MEGF9: variants seen among roughly 807,000 people sequenced by gnomAD.
The protein encoded by MEGF9 is multiple epidermal growth factor-like domains protein 9.
Under a neutral mutation model 46.8 loss-of-function variants are expected in MEGF9, and 6 were observed. The observed-to-expected ratio is 0.13, with a 90% CI of 0.07 to 0.25. MEGF9 has a LOEUF of 0.25. Among genes scored for constraint, MEGF9 ranks in the 10% least tolerant of loss-of-function variants. The pLI, the probability that MEGF9 is intolerant of heterozygous loss-of-function variation, is 1.00. For synonymous variants in MEGF9, 302 were observed against 330.7 expected (o/e 0.91, Z 0.94); for missense variants, 683 against 792.4 (o/e 0.86, Z 1.66).
intron 2 of MEGF9, among the ~76,000 whole-genome samples, chr9:120,633,974 T>G (rs1008093778): frequency 2.6e-5 from 4 of 152,242 alleles, no homozygotes; most frequent in Non-Finnish European, 4.4e-5. Flanking sequence ...TTCTTTTAAA[T>G]TTGTTAAGAC....
At chr9:120,673,228 G>T (rs999692531) in intron 1 of MEGF9, among the ~76,000 whole-genome samples, 1 of 151,896 alleles carries the variant, frequency 6.6e-6, no homozygotes, top group Non-Finnish European at 1.5e-5. Context: ...GAAACAAAAA[G>T]ATCTAAAAAT....
chr9:120,708,340 G>T (rs1486542546), intron 1 of MEGF9, among the ~76,000 whole-genome samples: 3 of 152,134 alleles, frequency 2.0e-5, no homozygotes, highest in East Asian at 3.8e-4. Flanking sequence ...ACTCCAGCCT[G>T]GCAACAGAGC....
intron 1 of MEGF9, among the ~76,000 whole-genome samples, chr9:120,713,298 A>G (rs2043961297): frequency 6.6e-6 from 1 of 152,214 alleles, no homozygotes; most frequent in South Asian, 2.1e-4. Flanking sequence ...CACACATCTG[A>G]TATTTACATA....
intron 1 of MEGF9, among the ~76,000 whole-genome samples, chr9:120,679,636 A>C (rs1329491266): frequency 6.6e-6 from 1 of 152,028 alleles, no homozygotes; most frequent in African/African-American, 2.4e-5. Context: ...AAAAAAAAAG[A>C]GAGAGAGACA....
intron 1 of MEGF9, among the ~76,000 whole-genome samples, chr9:120,674,225 T>C (rs1216545494): frequency 1.3e-5 from 2 of 152,076 alleles, no homozygotes; most frequent in South Asian, 4.1e-4. Flanking sequence ...TGGGAGAAAA[T>C]ACTTGCAAAT....
chr9:120,696,395 C>T (rs950956263), intron 1 of MEGF9, among the ~76,000 whole-genome samples: 3 of 152,124 alleles, frequency 2.0e-5, no homozygotes, highest in African/African-American at 7.2e-5. Context: ...CTACATTGTA[C>T]TAGCTATGAA....
At chr9:120,641,876 G>C (rs558547717) in intron 2 of MEGF9, among the ~76,000 whole-genome samples, 34 of 152,184 alleles carry the variant, frequency 2.2e-4, no homozygotes, top group Non-Finnish European at 4.7e-4. Context: ...CAACCTCAGC[G>C]GTCTGTCAAG....
At chr9:120,619,144 G>A (rs1254312743) in intron 3 of MEGF9, among the ~76,000 whole-genome samples, 1 of 151,694 alleles carries the variant, frequency 6.6e-6, no homozygotes, top group East Asian at 2.0e-4. Context: ...TCAGGAGTTC[G>A]AGACCAGCCT....
chr9:120,698,606 A>C (rs2043889442), intron 1 of MEGF9, among the ~76,000 whole-genome samples: 1 of 152,248 alleles, frequency 6.6e-6, no homozygotes, highest in African/African-American at 2.4e-5. Context: ...TAAATTAATT[A>C]ATCCAGAATT....
chr9:120,707,712 AAG>A (rs1052211682), intron 1 of MEGF9, among the ~76,000 whole-genome samples: 3 of 152,188 alleles, frequency 2.0e-5, no homozygotes, highest in Non-Finnish European at 2.9e-5. Context: ...CAGTACAGTT[AAG>A]AGAGTCCTAT....
chr9:120,630,996 T>C (rs2043548371), intron 2 of MEGF9, among the ~76,000 whole-genome samples: 1 of 152,180 alleles, frequency 6.6e-6, no homozygotes, highest in Non-Finnish European at 1.5e-5. Context: ...TCCGATCCCA[T>C]TTGTCTATTT....
chr9:120,660,485 T>C (rs1026824328), intron 1 of MEGF9, among the ~76,000 whole-genome samples: 7 of 152,226 alleles, frequency 4.6e-5, no homozygotes, highest in African/African-American at 1.7e-4. Flanking sequence ...CCACAGTCTA[T>C]CTGCTGTGCT....
In MEGF9 at chr9:120,706,007, G is replaced by C. The variant is rs774132771; in HGVS notation, c.601+7751C>G. 2.6e-5 allele frequency among the ~76,000 whole-genome samples: 4 copies of C among 152,096 alleles called. No homozygotes were observed. The South Asian group carries it at 8.3e-4, about 32-fold the overall frequency. ...AAATATCATCTAACACTGTCTTTCA[G>C]CTAAACAAGGTCTTACATTTTTATT... On this transcript the variant is annotated intron_variant, in intron 1 of 5. Coordinates refer to ENST00000373930, the MANE Select transcript of MEGF9 (RefSeq NM_001080497.3).
rs757791120 is a variant in MEGF9, at chr9:120,607,735, T to C, written c.1357+6A>G. On this transcript the variant is annotated splice_donor_region_variant and intron_variant, in intron 5 of 5. Coordinates refer to ENST00000373930, the MANE Select transcript of MEGF9 (RefSeq NM_001080497.3). ...TAAATTTACAATCACTTAGGTGAAG[T>C]TTTACCTTTCTTGATGCAATTTCCC... is the stretch of plus-strand genomic sequence containing the variant. 168 of 1,608,066 alleles carry C rather than the reference T, an allele frequency of 1.0e-4. No individual in the cohort carries two copies. The highest frequency in any genetic ancestry group is 1.4e-4 in the Non-Finnish European group (163 of 1,174,820).
At chr9:120,690,965 T>C (rs191972559) in intron 1 of MEGF9, among the ~76,000 whole-genome samples, 67 of 152,314 alleles carry the variant, frequency 4.4e-4, no homozygotes, top group Non-Finnish European at 7.6e-4. Flanking sequence ...GGAATGAGCA[T>C]GGTTCCAATG....
intron 1 of MEGF9, among the ~76,000 whole-genome samples, chr9:120,701,610 A>G (rs73537836): frequency 0.061 from 9,224 of 152,284 alleles, 929 homozygotes; most frequent in African/African-American, 0.21. Flanking sequence ...AAACTTTTGG[A>G]GGCTCAGTAA....
At chr9:120,679,736 G>A (rs1442983074) in intron 1 of MEGF9, among the ~76,000 whole-genome samples, 2 of 152,080 alleles carry the variant, frequency 1.3e-5, no homozygotes, top group African/African-American at 2.4e-5. Flanking sequence ...CCAGGAGTTT[G>A]AGACCAGCCT....
intron 1 of MEGF9, among the ~76,000 whole-genome samples, chr9:120,712,312 AC>A (rs755396892): frequency 3.9e-5 from 6 of 152,320 alleles, no homozygotes; most frequent in Admixed American, 6.5e-5. Context: ...TGAGTTAAGT[AC>A]TACTATAATA....
At chr9:120,644,126 T>C (rs2043616072) in intron 2 of MEGF9, among the ~76,000 whole-genome samples, 1 of 152,216 alleles carries the variant, frequency 6.6e-6, no homozygotes, top group Non-Finnish European at 1.5e-5. Context: ...CAGTATCCAT[T>C]TTTTCGGTTC....
Sources: gnomAD v4.1 joint callset for allele counts (sites outside exome capture counted in the v4.1 genomes callset) on GRCh38, gnomAD v4.1.1 for gene constraint, MANE v1.5 for transcripts, NCBI Gene and HGNC (gene_info 2026-07-23, HGNC 2026-07-21) for gene names.